The following SPATA7 variants were observed in gnomAD, a reference collection of about 807,000 sequenced individuals.
The protein encoded by SPATA7 is spermatogenesis associated 7.
In SPATA7, 43 loss-of-function variants were observed where a neutral mutation model predicts 51.8. The observed-to-expected ratio is 0.83, with a 90% CI of 0.65 to 1.07. The LOEUF (loss-of-function observed/expected upper bound fraction) is 1.07, where lower values mean the gene tolerates loss of function less well. Among genes scored for constraint, SPATA7 ranks in the 50% least tolerant of loss-of-function variants. The pLI, the probability that SPATA7 is intolerant of heterozygous loss-of-function variation, is 0.00. For synonymous variants in SPATA7, 230 were observed against 252.8 expected (o/e 0.91, Z 0.86); for missense variants, 683 against 701.3 (o/e 0.97, Z 0.30).
intron 11 of SPATA7, 110 bp from the exon 12 acceptor site, chr14:88,437,728 G>A: frequency 1.5e-6 from 2 of 1,332,982 alleles, no homozygotes; most frequent in South Asian, 2.7e-5. Context: ...TGAGGGTGGT[G>A]GTGGGAGAAG....
At chr14:88,425,221 C>T (rs1170583758) in intron 5 of SPATA7, among the ~76,000 whole-genome samples, 4 of 152,118 alleles carry the variant, frequency 2.6e-5, no homozygotes, top group African/African-American at 7.2e-5. Flanking sequence ...ATAGTAAGCA[C>T]ACCATACATA....
At chr14:88,464,734 A>C (rs115620677) in intron 4 of SPATA7, among the ~76,000 whole-genome samples, 3,762 of 152,166 alleles carry the variant, frequency 0.025, 167 homozygotes, top group African/African-American at 0.086. Flanking sequence ...CGTCTCAAAA[A>C]AGAAAAAAAA....
chr14:88,386,531 A>G (rs1196147905), intron 1 of SPATA7, among the ~76,000 whole-genome samples: 1 of 152,166 alleles, frequency 6.6e-6, no homozygotes, highest in Non-Finnish European at 1.5e-5. Flanking sequence ...CAGTTTTAGC[A>G]GCAATCCGTA....
chr14:88,449,011 C>A (rs999207386), intron 3 of SPATA7, among the ~76,000 whole-genome samples: 32 of 152,034 alleles, frequency 2.1e-4, no homozygotes, highest in Non-Finnish European at 1.3e-4. Flanking sequence ...TTCAAAGAAC[C>A]AGCTCTTTGT....
intron 3 of SPATA7, among the ~76,000 whole-genome samples, chr14:88,451,564 T>C (rs1200624185): frequency 2.6e-5 from 4 of 151,890 alleles, no homozygotes; most frequent in Non-Finnish European, 5.9e-5. Flanking sequence ...TCTTGCTCTG[T>C]CACCCAGGCT....
intron 1 of SPATA7, among the ~76,000 whole-genome samples, chr14:88,387,808 T>C (rs1042270619): frequency 3.9e-5 from 6 of 152,180 alleles, no homozygotes; most frequent in Non-Finnish European, 7.3e-5. Flanking sequence ...TAAGGCATGG[T>C]TTCCAGCTTC....
intron 4 of SPATA7, chr14:88,468,324 G>A (rs2140075161): frequency 2.7e-6 from 4 of 1,475,282 alleles, no homozygotes; most frequent in South Asian, 1.3e-5. Context: ...CAGAAAGGAT[G>A]GGAGGACACG....
intron 7 of SPATA7, 120 bp from the exon 8 acceptor site, chr14:88,429,228 A>G: frequency 1.6e-6 from 1 of 637,800 alleles, no homozygotes; most frequent in Non-Finnish European, 2.9e-6. Flanking sequence ...TCTTTGTCGT[A>G]CTGTATAATT....
At chr14:88,405,652 A>T (rs2076181434) in intron 4 of SPATA7, among the ~76,000 whole-genome samples, 1 of 152,246 alleles carries the variant, frequency 6.6e-6, no homozygotes, top group Non-Finnish European at 1.5e-5. Flanking sequence ...GGATGGAGTT[A>T]TGATTTACTG....
chr14:88,391,476 G>A (rs1007818072), intron 2 of SPATA7, 21 bp downstream of exon 2: 11 of 1,603,282 alleles, frequency 6.9e-6, no homozygotes, highest in Non-Finnish European at 9.4e-6. Context: ...TGCTTAAAAC[G>A]GCAGCTTTGT....
intron 4 of SPATA7, among the ~76,000 whole-genome samples, chr14:88,411,257 G>T (rs996051439): frequency 1.3e-5 from 2 of 152,198 alleles, no homozygotes; most frequent in African/African-American, 2.4e-5. Flanking sequence ...ACTTCAGACT[G>T]CTGTGCTGGC....
intron 4 of SPATA7, among the ~76,000 whole-genome samples, chr14:88,408,562 A>C (rs1002988493): frequency 2.0e-5 from 3 of 152,122 alleles, no homozygotes; most frequent in Non-Finnish European, 2.9e-5. Flanking sequence ...AACAGAGACA[A>C]TTTGACTTTC....
intron 4 of SPATA7, among the ~76,000 whole-genome samples, chr14:88,468,419 T>C (rs1217562485): frequency 1.3e-5 from 2 of 152,220 alleles, no homozygotes; most frequent in African/African-American, 4.8e-5. Context: ...GATTGCCTAC[T>C]TCTGATTTTC....
rs1296975092 is a variant in SPATA7 at position 88,426,331 on chromosome 14, C to A, written c.472C>A (p.His158Asn). Residue 158 changes from histidine (H) to asparagine (N), a missense_variant, in exon 6 of 12, where the codon CAC becomes AAC. Transcript: ENST00000393545. Reference sequence around the variant, plus strand: ...ACTAGTACCCTCTTCAGAGAGACTACACCTAAGTCTACATAAATCCAGTAA... The same window carrying A: ...ACTAGTACCCTCTTCAGAGAGACTAAACCTAAGTCTACATAAATCCAGTAA... ...RSLVPSSERL[H>N]LSLHKSSKVI... 7.4e-6 allele frequency: 12 copies of A among 1,613,884 alleles called. No individual in the cohort carries two copies. Among genetic ancestry groups the A allele is most frequent in the Non-Finnish European group, 1.0e-5 (12 of 1,179,890 alleles).
downstream of SPATA7, among the ~76,000 whole-genome samples, chr14:88,455,994 C>A (rs541281656): frequency 4.0e-5 from 6 of 150,472 alleles, no homozygotes; most frequent in African/African-American, 7.3e-5. Flanking sequence ...TTTGTCCTTG[C>A]GATAGTTTGC....
At chr14:88,466,583 G>A (rs1181486788) in intron 4 of SPATA7, 1 of 152,184 alleles carries the variant, frequency 6.6e-6, no homozygotes, top group East Asian at 1.9e-4. Flanking sequence ...AGAAGGAAAA[G>A]GGAAAGGGTT....
intron 5 of SPATA7, among the ~76,000 whole-genome samples, chr14:88,417,097 A>G (rs927355500): frequency 1.3e-5 from 2 of 152,192 alleles, no homozygotes; most frequent in Non-Finnish European, 2.9e-5. Context: ...ACATTGGGTC[A>G]GATTTGGCCT....
At chr14:88,385,889 G>T (rs769191979) in intron 1 of SPATA7, 52 bp downstream of exon 1, 3 of 1,571,632 alleles carry the variant, frequency 1.9e-6, no homozygotes, top group Non-Finnish European at 2.6e-6. Context: ...GCTCCAGGCG[G>T]CGCTCCCAGC....
intron 5 of SPATA7, among the ~76,000 whole-genome samples, chr14:88,425,933 G>C (rs1438844740): frequency 6.6e-6 from 1 of 152,144 alleles, no homozygotes; most frequent in Non-Finnish European, 1.5e-5. Flanking sequence ...AGATAAAACT[G>C]ACATCTCCCA....
Sources: allele counts gnomAD v4.1 joint callset (sites outside exome capture counted in the v4.1 genomes callset), GRCh38; gene constraint gnomAD v4.1.1; transcripts MANE v1.5; gene names NCBI Gene and HGNC (gene_info 2026-07-23, HGNC 2026-07-21).